RALGAPB: variants seen among roughly 807,000 people sequenced by gnomAD.
The protein encoded by RALGAPB is ral GTPase-activating protein subunit beta.
RALGAPB carries 25 observed loss-of-function variants against 161.1 expected under a neutral mutation model. The ratio of observed to expected loss-of-function variants is 0.16; its 90% CI spans 0.11 to 0.22. RALGAPB has a LOEUF of 0.22. Among genes scored for constraint, RALGAPB ranks in the 10% least tolerant of loss-of-function variants. The pLI, the probability that RALGAPB is intolerant of heterozygous loss-of-function variation, is 1.00. For missense variants in RALGAPB, 1,391 were observed against 1,815.2 expected (o/e 0.77, Z 4.25); for synonymous variants, 629 against 626.1 (o/e 1.00, Z -0.07).
Position 38,571,950 on chromosome 20 carries a change from A to C in RALGAPB, c.4142+1103A>C, listed in dbSNP as rs140246368. Among the ~76,000 whole-genome samples the C allele has an allele frequency of 6.6e-3, 1,004 of 152,016 alleles. 10 individuals carry two copies. The highest frequency in any genetic ancestry group is 0.023 in the African/African-American group (964 of 41,432). On this transcript the variant is annotated intron_variant, in intron 28 of 29. Coordinates refer to ENST00000262879, the MANE Select transcript of RALGAPB (RefSeq NM_020336.4). ...TATGATTTTGATTTGCATTTCCCTGATGACTGGTGATGTTGGGTGCTTTAG... is the reference window on the plus strand; with the variant it reads ...TATGATTTTGATTTGCATTTCCCTGCTGACTGGTGATGTTGGGTGCTTTAG...
chr20:38,502,607 A>T (rs985641183), intron 5 of RALGAPB, among the ~76,000 whole-genome samples: 8 of 151,970 alleles, frequency 5.3e-5, no homozygotes, highest in African/African-American at 1.9e-4. Flanking sequence ...TTTTTGTTTG[A>T]GACAGTCTCA....
chr20:38,500,445 A>G (rs1056804202), intron 5 of RALGAPB, among the ~76,000 whole-genome samples: 2 of 152,196 alleles, frequency 1.3e-5, no homozygotes, highest in African/African-American at 4.8e-5. Context: ...AGTGCCACGT[A>G]CTACACCTAT....
intron 6 of RALGAPB, 133 bp downstream of exon 6, chr20:38,509,341 C>T (rs535448009): frequency 3.9e-5 from 39 of 993,634 alleles, no homozygotes; most frequent in Non-Finnish European, 5.8e-5. Flanking sequence ...TCCAGCTGGA[C>T]AACAAGCACA....
At chr20:38,558,557 A>C in intron 23 of RALGAPB, 104 bp downstream of exon 23, 1 of 1,108,196 alleles carries the variant, frequency 9.0e-7, no homozygotes, top group Non-Finnish European at 1.2e-6. Flanking sequence ...TATTTGGGCC[A>C]GAGTTGAGGA....
chr20:38,520,557 G>T (rs1600929859), intron 9 of RALGAPB, among the ~76,000 whole-genome samples: 5 of 104,730 alleles, frequency 4.8e-5, no homozygotes, highest in Admixed American at 1.0e-4. Flanking sequence ...AAAGCTTTAA[G>T]CTTATTTTTA....
chr20:38,477,150 G>A (rs1383995904), intron 1 of RALGAPB, among the ~76,000 whole-genome samples: 1 of 152,178 alleles, frequency 6.6e-6, no homozygotes. Flanking sequence ...GTAGCCACTG[G>A]CCACATGTGA....
At chr20:38,521,072 T>A (rs1488988947) in intron 9 of RALGAPB, among the ~76,000 whole-genome samples, 1 of 152,182 alleles carries the variant, frequency 6.6e-6, no homozygotes, top group Non-Finnish European at 1.5e-5. Flanking sequence ...GCCCATTTAA[T>A]TAGGATGTCC....
chr20:38,555,757 G>A (rs763051446), intron 22 of RALGAPB, among the ~76,000 whole-genome samples: 3 of 152,106 alleles, frequency 2.0e-5, no homozygotes, highest in Non-Finnish European at 4.4e-5. Flanking sequence ...TGAGAACATA[G>A]GAAAAATAAA....
chr20:38,525,302 A>G, intron 11 of RALGAPB, 102 bp from the exon 12 acceptor site: 2 of 783,500 alleles, frequency 2.6e-6, no homozygotes, highest in Non-Finnish European at 4.4e-6. Flanking sequence ...ATATACAAAT[A>G]CACAATGCTT....
intron 1 of RALGAPB, 35 bp from the exon 2 acceptor site, chr20:38,488,368 A>G (rs1368358747): frequency 6.1e-6 from 8 of 1,315,300 alleles, no homozygotes; most frequent in Non-Finnish European, 8.6e-6. Flanking sequence ...TTCCAATAGT[A>G]TAATTTGACA....
In RALGAPB at chr20:38,575,069, A is replaced by G. The variant is rs895784792; in HGVS notation, c.*102A>G. 10 of 983,332 alleles carry G rather than the reference A, an allele frequency of 1.0e-5. No homozygotes were observed. The highest frequency in any genetic ancestry group is 1.5e-5 in the Non-Finnish European group (10 of 646,226). The allele number at this position is 983,332 out of a possible 1,614,324, so 60.9% of individuals were successfully genotyped here. On this transcript the variant is annotated 3_prime_UTR_variant, in exon 30 of 30. Transcript: ENST00000262879. ...GTAAAAATAAAAACAAATCACTCCCAAGAGCTTACTGTTTAATCACCAGAA... is the reference window on the plus strand; with the variant it reads ...GTAAAAATAAAAACAAATCACTCCCGAGAGCTTACTGTTTAATCACCAGAA...
At chr20:38,474,088 T>C (rs2084732190) in intron 1 of RALGAPB, among the ~76,000 whole-genome samples, 1 of 152,156 alleles carries the variant, frequency 6.6e-6, no homozygotes, top group Non-Finnish European at 1.5e-5. Context: ...TCTGGAACAT[T>C]TAAAATGTAT....
intron 1 of RALGAPB, among the ~76,000 whole-genome samples, chr20:38,480,735 G>GC (rs1161184657): frequency 0.038 from 1,281 of 33,430 alleles, 38 homozygotes; most frequent in Non-Finnish European, 0.056. Context: ...CCCCACCCCC[G>GC]CCCCCCCCTT....
chr20:38,565,614 G>A (rs1170362192), intron 25 of RALGAPB, 136 bp downstream of exon 25: 12 of 1,034,366 alleles, frequency 1.2e-5, no homozygotes, highest in Middle Eastern at 5.1e-4. Context: ...ACAATATGCA[G>A]AAGCACAAGA....
intron 18 of RALGAPB, 92 bp downstream of exon 18, chr20:38,541,284 A>G: frequency 1.6e-6 from 2 of 1,249,118 alleles, no homozygotes; most frequent in Non-Finnish European, 2.2e-6. Context: ...ATTGTTCAGC[A>G]TTGCGTGATG....
chr20:38,567,382 A>G (rs1406776014), intron 26 of RALGAPB, 150 bp downstream of exon 26: 3 of 1,175,846 alleles, frequency 2.6e-6, no homozygotes, highest in East Asian at 2.9e-5. Context: ...AATTCTCACG[A>G]TTTTCTCTTT....
intron 24 of RALGAPB, among the ~76,000 whole-genome samples, chr20:38,564,368 C>G (rs981078207): frequency 6.6e-6 from 1 of 152,202 alleles, no homozygotes; most frequent in Non-Finnish European, 1.5e-5. Flanking sequence ...TGTTATCTGT[C>G]TGGTCCTTTA....
intron 5 of RALGAPB, among the ~76,000 whole-genome samples, chr20:38,503,658 T>C (rs186723350): frequency 2.4e-4 from 37 of 152,336 alleles, no homozygotes; most frequent in Non-Finnish European, 4.6e-4. Context: ...GAATATTACA[T>C]AAGCTTAATT....
In RALGAPB at chr20:38,499,671, C is replaced by G. The variant is rs770142109; in HGVS notation, c.740+38C>G. On this transcript the variant is annotated intron_variant, in intron 5 of 29. Transcript: ENST00000262879. ...CATTGCCCTGCCTTCCTTCACCTGTCTGACCTTAGGCAGCTTTCTGGCATT... is the reference window on the plus strand; with the variant it reads ...CATTGCCCTGCCTTCCTTCACCTGTGTGACCTTAGGCAGCTTTCTGGCATT... 6 of 1,567,170 alleles carry G rather than the reference C, an allele frequency of 3.8e-6. No homozygotes were observed. In the African/African-American group the frequency reaches 5.4e-5, roughly 14 times the overall value.
Sources: allele counts gnomAD v4.1 joint callset (sites outside exome capture counted in the v4.1 genomes callset), GRCh38; gene constraint gnomAD v4.1.1; transcripts MANE v1.5; gene names NCBI Gene and HGNC (gene_info 2026-07-23, HGNC 2026-07-21).